TRPM3: variants seen among roughly 807,000 people sequenced by gnomAD.
TRPM3 encodes the protein transient receptor potential cation channel subfamily M member 3, also known as long transient receptor potential channel 3.
A neutral mutation model predicts 181.2 loss-of-function variants in TRPM3; 77 were observed. The ratio of observed to expected loss-of-function variants is 0.42; its 90% CI spans 0.35 to 0.51. The LOEUF (loss-of-function observed/expected upper bound fraction) is 0.51. TRPM3 is among the 20% of genes least tolerant of loss of function. The pLI is 0.01. For missense variants in TRPM3, 1,759 were observed against 2,196.7 expected, an observed-to-expected ratio of 0.80 and a Z score of 3.98; for synonymous variants, 745 against 796.4, an observed-to-expected ratio of 0.94 and a Z score of 1.09.
At chr9:70,612,828 G>T (rs759544645) in intron 18 of TRPM3, among the ~76,000 whole-genome samples, 9 of 152,308 alleles carry the variant, frequency 5.9e-5, no homozygotes, top group Admixed American at 1.3e-4. Flanking sequence ...TCATGCCTCT[G>T]TTCTGCTTAT....
intron 6 of TRPM3, chr9:70,827,608 T>C (rs1462835038): frequency 2.5e-6 from 1 of 402,690 alleles, no homozygotes; most frequent in Non-Finnish European, 4.5e-6. Flanking sequence ...CCAGATGGAG[T>C]TGAATTTTTC....
intron 1 of TRPM3, chr9:70,917,262 C>A (rs373779525): frequency 6.6e-7 from 1 of 1,506,092 alleles, no homozygotes; most frequent in Non-Finnish European, 9.2e-7. Flanking sequence ...ATCATAAACA[C>A]CAATTCAGCA....
At chr9:71,182,809 G>A (rs994973729) in intron 1 of TRPM3, among the ~76,000 whole-genome samples, 2 of 151,924 alleles carry the variant, frequency 1.3e-5, no homozygotes, top group African/African-American at 2.4e-5. Context: ...TTACAGGCAC[G>A]CATCACCACT....
At chr9:71,251,000 A>G (rs2082311203) in intron 1 of TRPM3, among the ~76,000 whole-genome samples, 1 of 152,224 alleles carries the variant, frequency 6.6e-6, no homozygotes, top group South Asian at 2.1e-4. Flanking sequence ...TTTGTTCCAA[A>G]AAGATCAGTT....
At chr9:70,801,169 C>G (rs763971183) in intron 6 of TRPM3, among the ~76,000 whole-genome samples, 2 of 152,202 alleles carry the variant, frequency 1.3e-5, no homozygotes, top group Non-Finnish European at 2.9e-5. Context: ...TCAGTATATA[C>G]AGTCACTCTA....
chr9:71,325,747 C>T (rs569217935), intron 1 of TRPM3, among the ~76,000 whole-genome samples: 2 of 151,966 alleles, frequency 1.3e-5, no homozygotes, highest in Non-Finnish European at 2.9e-5. Context: ...CTCATTCACA[C>T]CCACCCACCC....
chr9:71,245,034 A>T (rs1340352307), intron 1 of TRPM3, among the ~76,000 whole-genome samples: 1 of 152,216 alleles, frequency 6.6e-6, no homozygotes, highest in African/African-American at 2.4e-5. Context: ...CGGAGACAGG[A>T]CAATCATGAC....
At chr9:70,838,232 T>A (rs12238248) in intron 5 of TRPM3, among the ~76,000 whole-genome samples, 11,806 of 152,228 alleles carry the variant, frequency 0.078, 728 homozygotes, top group East Asian at 0.27. Flanking sequence ...TTTAATTAAG[T>A]TGGTACAATG....
At chr9:70,672,899 G>A (rs940635585) in intron 9 of TRPM3, among the ~76,000 whole-genome samples, 4 of 152,038 alleles carry the variant, frequency 2.6e-5, no homozygotes, top group African/African-American at 9.7e-5. Flanking sequence ...TAAGTGTGCC[G>A]AGAATTTTAG....
At chr9:71,349,857 A>C (rs1342437391) in intron 1 of TRPM3, among the ~76,000 whole-genome samples, 1 of 151,964 alleles carries the variant, frequency 6.6e-6, no homozygotes, top group Non-Finnish European at 1.5e-5. Flanking sequence ...ACTCTGGGGA[A>C]GAAAAGTGAT....
chr9:70,663,170 A>T (rs1409966428), intron 9 of TRPM3, among the ~76,000 whole-genome samples: 4 of 152,180 alleles, frequency 2.6e-5, no homozygotes, highest in Non-Finnish European at 5.9e-5. Flanking sequence ...GTTCTCACTC[A>T]TAAGGGGAAC....
intron 1 of TRPM3, among the ~76,000 whole-genome samples, chr9:71,278,525 A>G (rs958596481): frequency 6.6e-6 from 1 of 152,262 alleles, no homozygotes; most frequent in Non-Finnish European, 1.5e-5. Flanking sequence ...ATTTTCAAAG[A>G]AACACAATTC....
At chr9:71,050,522 C>T (rs867198283) in intron 1 of TRPM3, among the ~76,000 whole-genome samples, 2 of 152,112 alleles carry the variant, frequency 1.3e-5, no homozygotes, top group Non-Finnish European at 2.9e-5. Context: ...AACTATATTT[C>T]ATAATTATCT....
At chr9:70,746,870 T>C (rs1414488624) in intron 8 of TRPM3, among the ~76,000 whole-genome samples, 1 of 152,112 alleles carries the variant, frequency 6.6e-6, no homozygotes, top group Non-Finnish European at 1.5e-5. Context: ...TTCTAGTACT[T>C]GGTTACAATT....
chr9:71,245,764 G>A (rs753903338), intron 1 of TRPM3, among the ~76,000 whole-genome samples: 1 of 152,150 alleles, frequency 6.6e-6, no homozygotes, highest in Non-Finnish European at 1.5e-5. Context: ...ATTTAAATGT[G>A]TCATGATTTG....
At chr9:71,154,664 A>G (rs542413981) in intron 1 of TRPM3, among the ~76,000 whole-genome samples, 1 of 152,286 alleles carries the variant, frequency 6.6e-6, no homozygotes, top group Admixed American at 6.5e-5. Context: ...GAATTTGTAC[A>G]TCACCTTGGC....
At chr9:71,197,691 T>G (rs1035875057) in intron 1 of TRPM3, among the ~76,000 whole-genome samples, 10 of 152,000 alleles carry the variant, frequency 6.6e-5, no homozygotes, top group South Asian at 4.2e-4. Flanking sequence ...GTCTGTTCAT[T>G]TCCTTCGCCC....
intron 1 of TRPM3, among the ~76,000 whole-genome samples, chr9:71,099,385 G>A (rs1006362821): frequency 6.6e-6 from 1 of 152,114 alleles, no homozygotes; most frequent in Admixed American, 6.6e-5. Context: ...AAATTTTGGG[G>A]GGGTATACAC....
intron 17 of TRPM3, among the ~76,000 whole-genome samples, chr9:70,616,754 C>T (rs1380983184): frequency 1.3e-5 from 2 of 152,262 alleles, no homozygotes; most frequent in East Asian, 3.9e-4. Flanking sequence ...CCCTTACACA[C>T]AAGCCCCAGG....
Sources: allele counts gnomAD v4.1 joint callset (sites outside exome capture counted in the v4.1 genomes callset), GRCh38; gene constraint gnomAD v4.1.1; transcripts MANE v1.5; gene names NCBI Gene and HGNC (gene_info 2026-07-23, HGNC 2026-07-21).